Variants in TRPC5 observed in about 807,000 individuals in gnomAD.
TRPC5 encodes transient receptor potential cation channel subfamily C member 5.
A neutral mutation model predicts 56.5 loss-of-function variants in TRPC5; 9 were observed. The ratio of observed to expected loss-of-function variants is 0.16; its 90% CI spans 0.10 to 0.28. The LOEUF (loss-of-function observed/expected upper bound fraction) is 0.28, where lower values mean the gene tolerates loss of function less well. Ranked by LOEUF, TRPC5 falls within the 10% of genes least tolerant of loss-of-function variation. TRPC5 has a pLI of 1.00. For missense variants in TRPC5, 469 were observed against 748.9 expected, an observed-to-expected ratio of 0.63 and a Z score of 4.36; for synonymous variants, 282 against 278.5, an observed-to-expected ratio of 1.01 and a Z score of -0.13.
intron 1 of TRPC5, among the ~76,000 whole-genome samples, chrX:111,970,895 C>G (rs1205563136): frequency 1.0e-4 from 11 of 108,608 alleles, no homozygotes; most frequent in Non-Finnish European, 2.1e-4. Context: ...TCAGCCTCCC[C>G]AGCTCCCGAT....
chrX:111,981,425 A>G (rs893872625), intron 1 of TRPC5, among the ~76,000 whole-genome samples: 1 of 111,498 alleles, frequency 9.0e-6, no homozygotes, highest in Non-Finnish European at 1.9e-5. Flanking sequence ...CAGTTTACCA[A>G]TTCAAAGGTC....
At chrX:111,947,788 T>G (rs1382435323) in intron 2 of TRPC5, among the ~76,000 whole-genome samples, 3 of 112,160 alleles carry the variant, frequency 2.7e-5, no homozygotes, top group African/African-American at 6.5e-5. Flanking sequence ...GTGTTGGTGA[T>G]GTACCAATAA....
intron 2 of TRPC5, among the ~76,000 whole-genome samples, chrX:111,939,715 T>A (rs1390820230): frequency 1.8e-5 from 2 of 112,094 alleles, no homozygotes; most frequent in Non-Finnish European, 1.9e-5. Flanking sequence ...CTAATGATAC[T>A]TTTAATTTTT....
chrX:111,986,704 G>A (rs1928221771), intron 1 of TRPC5, among the ~76,000 whole-genome samples: 1 of 111,080 alleles, frequency 9.0e-6, no homozygotes. Context: ...GCTTCGTTAT[G>A]GGCTTCCCAC....
At chrX:111,906,363 A>G (rs1198447271) in intron 3 of TRPC5, among the ~76,000 whole-genome samples, 2 of 109,845 alleles carry the variant, frequency 1.8e-5, no homozygotes, top group African/African-American at 3.3e-5. Flanking sequence ...TAAAAAAACA[A>G]AAAACAAAAA....
intron 1 of TRPC5, among the ~76,000 whole-genome samples, chrX:111,960,403 A>G (rs1927345904): frequency 8.9e-6 from 1 of 112,239 alleles, no homozygotes. Context: ...GATGAAATCA[A>G]TATATTTTAT....
intron 1 of TRPC5, among the ~76,000 whole-genome samples, chrX:111,957,109 T>G (rs1439689595): frequency 8.9e-6 from 1 of 112,380 alleles, no homozygotes; most frequent in Non-Finnish European, 1.9e-5. Context: ...TGGAGCATCC[T>G]ACTGGTCTGC....
chrX:111,853,743 C>T (rs2148586365), intron 4 of TRPC5, 27 bp downstream of exon 4: 5 of 1,188,578 alleles, frequency 4.2e-6, no homozygotes, highest in Non-Finnish European at 5.7e-6. Flanking sequence ...GGCAGTCTGG[C>T]CATAGGTCCT....
chrX:111,791,019 CAAAAAAAAAAAAAAAAAAAAA>C (rs753897017), intron 7 of TRPC5, among the ~76,000 whole-genome samples: 2 of 9,293 alleles, frequency 2.2e-4, no homozygotes, highest in Non-Finnish European at 4.4e-4. Context: ...GACTCCATCT[CAAAAAAAAAAAAAAAAAAAAA>C]AAAAAAAAAA....
intron 7 of TRPC5, among the ~76,000 whole-genome samples, chrX:111,809,207 G>C (rs760521205): frequency 2.7e-5 from 3 of 111,112 alleles, no homozygotes; most frequent in South Asian, 7.7e-4. Flanking sequence ...ATCATGTGCA[G>C]CACAGCACCA....
chrX:112,001,227 G>C (rs1928687363), intron 1 of TRPC5, among the ~76,000 whole-genome samples: 3 of 111,812 alleles, frequency 2.7e-5, no homozygotes, highest in South Asian at 7.5e-4. Flanking sequence ...GTAGAATGAA[G>C]TGCTTTGAAC....
At chrX:112,068,325 C>T (rs1930636894) in intron 1 of TRPC5, among the ~76,000 whole-genome samples, 1 of 112,561 alleles carries the variant, frequency 8.9e-6, no homozygotes, top group Non-Finnish European at 1.9e-5. Flanking sequence ...TTAATTCATA[C>T]TGTTGCTCTG....
intron 1 of TRPC5, among the ~76,000 whole-genome samples, chrX:111,964,581 G>T: frequency 8.9e-6 from 1 of 112,174 alleles, no homozygotes; most frequent in Middle Eastern, 4.6e-3. Context: ...AGAGAAAGGT[G>T]GGGTTACCCA....
intron 1 of TRPC5, among the ~76,000 whole-genome samples, chrX:111,959,425 G>A (rs1927317110): frequency 9.0e-6 from 1 of 111,673 alleles, no homozygotes; most frequent in South Asian, 3.7e-4. Flanking sequence ...GCTAGAATAG[G>A]AAATGAGAAG....
At chrX:111,809,289 T>G (rs1921622884) in intron 7 of TRPC5, among the ~76,000 whole-genome samples, 1 of 111,154 alleles carries the variant, frequency 9.0e-6, no homozygotes, top group African/African-American at 3.3e-5. Context: ...CCAGAGCACT[T>G]TGGCCTGAGG....
Position 111,773,391 on chromosome X carries a change from A to G in TRPC5, c.*2922T>C, listed in dbSNP as rs1167992100. Among the ~76,000 whole-genome samples, 3 of 111,942 alleles carry G rather than the reference A, an allele frequency of 2.7e-5. No homozygotes were observed. The East Asian group carries it at 8.3e-4, about 31-fold the overall frequency. ...AATAAATGAATCCAAGGTGTCCGGA[A>G]GTGATAAGCCAACTGTAATGTAGGT... On this transcript the variant is annotated 3_prime_UTR_variant, in exon 11 of 11. Coordinates refer to ENST00000262839, the MANE Select transcript of TRPC5 (RefSeq NM_012471.3).
At chrX:111,799,072 C>T (rs1310322655) in intron 7 of TRPC5, among the ~76,000 whole-genome samples, 1 of 110,650 alleles carries the variant, frequency 9.0e-6, no homozygotes, top group Admixed American at 9.7e-5. Context: ...GTGTTCTGTT[C>T]TTGGGGGGGA....
chrX:111,925,342 C>T (rs1199625108), intron 2 of TRPC5, among the ~76,000 whole-genome samples: 3 of 112,320 alleles, frequency 2.7e-5, no homozygotes, highest in Non-Finnish European at 3.8e-5. Context: ...TCGTTATATG[C>T]TATCGATTTC....
chrX:112,044,474 A>G (rs1929972818), intron 1 of TRPC5, among the ~76,000 whole-genome samples: 2 of 112,130 alleles, frequency 1.8e-5, no homozygotes, highest in Non-Finnish European at 3.8e-5. Context: ...GAATGATGAT[A>G]ATGACTGCCC....
Sources: gnomAD v4.1 joint callset for allele counts (sites outside exome capture counted in the v4.1 genomes callset) on GRCh38, gnomAD v4.1.1 for gene constraint, MANE v1.5 for transcripts, NCBI Gene and HGNC (gene_info 2026-07-23, HGNC 2026-07-21) for gene names.